The following PTPRD variants were observed in gnomAD, a reference collection of about 807,000 sequenced individuals.
The protein encoded by PTPRD is receptor-type tyrosine-protein phosphatase delta.
Under a neutral mutation model 214.5 loss-of-function variants are expected in PTPRD, and 34 were observed. The observed-to-expected ratio is 0.16, with a 90% CI of 0.12 to 0.21. PTPRD has a LOEUF of 0.21. Ranked by LOEUF, PTPRD falls within the 10% of genes least tolerant of loss-of-function variation. The pLI, the probability that PTPRD is intolerant of heterozygous loss-of-function variation, is 1.00. For missense variants in PTPRD, 2,545 were observed against 2,398.7 expected (o/e 1.06, Z -1.27); for synonymous variants, 1,128 against 845.7 (o/e 1.33, Z -5.79).
chr9:9,837,642 C>A (rs1334113375), intron 5 of PTPRD, among the ~76,000 whole-genome samples: 5 of 152,090 alleles, frequency 3.3e-5, no homozygotes, highest in Admixed American at 3.3e-4. Context: ...ATGAAAATGT[C>A]AAAGGCCCTG....
chr9:10,192,445 G>GAAAAA (rs552289562), intron 3 of PTPRD, among the ~76,000 whole-genome samples: 1 of 72,644 alleles, frequency 1.4e-5, no homozygotes, highest in Non-Finnish European at 2.6e-5. Context: ...CACGATCCAG[G>GAAAAA]AAAAAAAAAA....
At chr9:8,884,973 A>G (rs2098474823) in intron 11 of PTPRD, among the ~76,000 whole-genome samples, 2 of 152,190 alleles carry the variant, frequency 1.3e-5, no homozygotes, top group South Asian at 4.1e-4. Flanking sequence ...GCTCATGACC[A>G]TCAGTGAGGG....
intron 5 of PTPRD, among the ~76,000 whole-genome samples, chr9:9,937,302 ACATAAAAGTTATCTTATAAAGAC>A (rs1226508922): frequency 6.6e-6 from 1 of 151,636 alleles, no homozygotes; most frequent in East Asian, 1.9e-4. Flanking sequence ...CTCTATATAC[ACATAAAAGTTATCTTATAAAGAC>A]ATTTTAATCC....
chr9:8,608,207 C>T (rs76073033), intron 14 of PTPRD, among the ~76,000 whole-genome samples: 219 of 151,774 alleles, frequency 1.4e-3, no homozygotes, highest in African/African-American at 5.1e-3. Flanking sequence ...CCTATTAACC[C>T]GGATAATACA....
intron 5 of PTPRD, among the ~76,000 whole-genome samples, chr9:9,919,774 C>A (rs1350157777): frequency 1.3e-5 from 2 of 152,130 alleles, no homozygotes; most frequent in Non-Finnish European, 2.9e-5. Context: ...AACTATTTAA[C>A]CTGCCTGAGT....
chr9:9,038,902 G>A (rs530373729), intron 10 of PTPRD, among the ~76,000 whole-genome samples: 16 of 152,094 alleles, frequency 1.1e-4, no homozygotes, highest in African/African-American at 3.9e-4. Context: ...TCCCAGGAAG[G>A]TTTTTTGTTG....
At chr9:9,130,690 T>C (rs2099841290) in intron 10 of PTPRD, among the ~76,000 whole-genome samples, 1 of 152,188 alleles carries the variant, frequency 6.6e-6, no homozygotes, top group African/African-American at 2.4e-5. Flanking sequence ...TGGTTCCTAC[T>C]GACCTTCCTG....
intron 10 of PTPRD, among the ~76,000 whole-genome samples, chr9:9,122,624 C>T (rs2099818655): frequency 6.6e-6 from 1 of 152,184 alleles, no homozygotes; most frequent in African/African-American, 2.4e-5. Flanking sequence ...TCTTGAAATG[C>T]TATGACACTT....
At position 10,411,257 on chromosome 9, in the gene PTPRD, G is replaced by A. The variant is rs181218171; in HGVS notation, c.-599-70240C>T. 3.7e-3 allele frequency among the ~76,000 whole-genome samples: 555 copies of A among 151,674 alleles called. 1 individual carries two copies. The highest frequency in any genetic ancestry group is 5.2e-3 in the Non-Finnish European group (352 of 67,810). On this transcript the variant is annotated intron_variant, in intron 2 of 45. Coordinates refer to ENST00000381196, the MANE Select transcript of PTPRD (RefSeq NM_002839.4). Reference sequence around the variant, plus strand: ...CCTAATGAGAAGAAATTGTATCCCAGACCAATTTTGAAGGATACTACTACT... The same window carrying A: ...CCTAATGAGAAGAAATTGTATCCCAAACCAATTTTGAAGGATACTACTACT...
intron 7 of PTPRD, among the ~76,000 whole-genome samples, chr9:9,628,564 A>C (rs996031309): frequency 2.6e-5 from 4 of 152,154 alleles, no homozygotes; most frequent in African/African-American, 7.2e-5. Flanking sequence ...CCCTTGGCAA[A>C]AGCTTTATTA....
At chr9:8,901,032 T>A (rs987646434) in intron 11 of PTPRD, among the ~76,000 whole-genome samples, 1 of 151,800 alleles carries the variant, frequency 6.6e-6, no homozygotes, top group Non-Finnish European at 1.5e-5. Context: ...AAAGGGGATA[T>A]AGAAAAAAGG....
chr9:9,062,513 C>G (rs10977463), intron 10 of PTPRD, among the ~76,000 whole-genome samples: 3,765 of 152,082 alleles, frequency 0.025, 72 homozygotes, highest in East Asian at 0.083. Context: ...CAGGCATTAT[C>G]TTTTCTCTAT....
At chr9:9,999,955 G>C (rs972899243) in intron 4 of PTPRD, among the ~76,000 whole-genome samples, 1 of 152,290 alleles carries the variant, frequency 6.6e-6, no homozygotes, top group South Asian at 2.1e-4. Context: ...TTTAGGACAA[G>C]TCAGAAAGTT....
chr9:9,466,471 A>G (rs966909573), intron 8 of PTPRD, among the ~76,000 whole-genome samples: 1 of 152,212 alleles, frequency 6.6e-6, no homozygotes, highest in Non-Finnish European at 1.5e-5. Flanking sequence ...ATAATTCTGA[A>G]GTGCATTAGA....
intron 7 of PTPRD, among the ~76,000 whole-genome samples, chr9:9,613,148 A>ATATATT (rs1464590533): frequency 7.2e-5 from 6 of 83,570 alleles, no homozygotes; most frequent in African/African-American, 1.7e-4. Flanking sequence ...ATATATATAT[A>ATATATT]TATATATATA....
At chr9:10,456,525 G>C (rs996007061) in intron 2 of PTPRD, among the ~76,000 whole-genome samples, 2 of 151,916 alleles carry the variant, frequency 1.3e-5, no homozygotes, top group South Asian at 4.1e-4. Context: ...TTTTTTTCTT[G>C]TTTGTTTGCT....
intron 3 of PTPRD, among the ~76,000 whole-genome samples, chr9:10,180,424 G>T (rs2099275502): frequency 6.6e-6 from 1 of 151,854 alleles, no homozygotes; most frequent in Non-Finnish European, 1.5e-5. Context: ...AGACACACCA[G>T]CTCAAATAAA....
At chr9:10,028,255 A>G (rs779530467) in intron 4 of PTPRD, among the ~76,000 whole-genome samples, 1 of 152,204 alleles carries the variant, frequency 6.6e-6, no homozygotes, top group Non-Finnish European at 1.5e-5. Flanking sequence ...GCCATGTGGA[A>G]CTGTAAGTCT....
At chr9:8,513,966 CA>C (rs1223091893) in intron 21 of PTPRD, among the ~76,000 whole-genome samples, 11 of 151,966 alleles carry the variant, frequency 7.2e-5, no homozygotes, top group Admixed American at 6.6e-4. Flanking sequence ...CATCTTCATG[CA>C]AAAAAGTCAG....
Sources: gnomAD v4.1 joint callset for allele counts (sites outside exome capture counted in the v4.1 genomes callset) on GRCh38, gnomAD v4.1.1 for gene constraint, MANE v1.5 for transcripts, NCBI Gene and HGNC (gene_info 2026-07-23, HGNC 2026-07-21) for gene names.